DLGAP2: variants seen among roughly 807,000 people sequenced by gnomAD.
DLGAP2 encodes the protein DLG associated protein 2.
DLGAP2 carries 26 observed loss-of-function variants against 100.3 expected under a neutral mutation model. That is an observed-to-expected ratio of 0.26 (90% CI 0.19 to 0.36). The LOEUF (loss-of-function observed/expected upper bound fraction) is 0.36, where lower values mean the gene tolerates loss of function less well. Ranked by LOEUF, DLGAP2 falls within the 10% of genes least tolerant of loss-of-function variation. The probability of loss-of-function intolerance (pLI) is 1.00; values close to 1 mark genes in which losing one functional copy is unlikely to be tolerated. For synonymous variants in DLGAP2, 886 were observed against 630.1 expected (o/e 1.41, Z -6.08); for missense variants, 1,858 against 1,453.2 (o/e 1.28, Z -4.53).
At chr8:1,039,750 CTGTAGTCGGCTCGGTGTG>C in intron 2 of DLGAP2, among the ~76,000 whole-genome samples, 1 of 126,366 alleles carries the variant, frequency 7.9e-6, no homozygotes, top group African/African-American at 3.1e-5. Context: ...AGCTCGGTTT[CTGTAGTCGGCTCGGTGTG>C]TGTGGTTGGC....
At chr8:1,335,593 G>A (rs766075800) in intron 3 of DLGAP2, among the ~76,000 whole-genome samples, 19 of 152,202 alleles carry the variant, frequency 1.2e-4, no homozygotes, top group Non-Finnish European at 2.5e-4. Context: ...GCGGTGCTGG[G>A]TGGAAGTTTC....
intron 3 of DLGAP2, among the ~76,000 whole-genome samples, chr8:1,430,273 C>G (rs1218717050): frequency 6.6e-6 from 1 of 151,620 alleles, no homozygotes. Context: ...ATTCGAAATC[C>G]TCCTTGCTAA....
chr8:1,646,890 T>C (rs754861480), intron 8 of DLGAP2, among the ~76,000 whole-genome samples: 2 of 152,194 alleles, frequency 1.3e-5, no homozygotes, highest in Non-Finnish European at 1.5e-5. Context: ...TTGTCCCTTC[T>C]TCTAATCAGC....
chr8:1,664,302 C>CTA (rs940288653), intron 8 of DLGAP2, among the ~76,000 whole-genome samples: 12 of 152,276 alleles, frequency 7.9e-5, no homozygotes, highest in African/African-American at 2.9e-4. Context: ...TAGGCACAGG[C>CTA]TATGTCCGCT....
At chr8:1,072,480 AC>A (rs1288794879) in intron 2 of DLGAP2, among the ~76,000 whole-genome samples, 1 of 152,146 alleles carries the variant, frequency 6.6e-6, no homozygotes, top group Non-Finnish European at 1.5e-5. Flanking sequence ...GTCCTCATTC[AC>A]GTTATCTTGG....
chr8:1,669,505 G>A (rs983965862), intron 9 of DLGAP2, among the ~76,000 whole-genome samples: 1 of 152,224 alleles, frequency 6.6e-6, no homozygotes, highest in Non-Finnish European at 1.5e-5. Context: ...CTGCCAACAC[G>A]GCCCACCTCC....
intron 2 of DLGAP2, among the ~76,000 whole-genome samples, chr8:1,095,082 T>C (rs1178523099): frequency 4.3e-5 from 6 of 140,378 alleles, no homozygotes; most frequent in South Asian, 4.9e-4. Flanking sequence ...CAGGGTGGAG[T>C]GAGACAGCCT....
Position 925,762 on chromosome 8 carries a change from G to A in DLGAP2, c.73+17796G>A, listed in dbSNP as rs563839365. On this transcript the variant is annotated intron_variant, in intron 2 of 14. Transcript: ENST00000637795. ...TGGCTCATGTGGTTATGAGGCTGAC[G>A]AGTCTGAGATCTGCTCAGCCAGCTG... is the stretch of plus-strand genomic sequence containing the variant. Among the ~76,000 whole-genome samples the A allele has an allele frequency of 1.4e-3, 206 of 152,250 alleles. 1 individual carries two copies. The highest frequency in any genetic ancestry group is 4.8e-3 in the African/African-American group (198 of 41,534).
In DLGAP2 at chr8:1,233,841, T is replaced by C. The variant is rs374289625; in HGVS notation, c.74-25010T>C. On this transcript the variant is annotated intron_variant, in intron 2 of 14. Transcript: ENST00000637795. ...GAAGTCTTGGAAAGAGTTATTTTAA[T>C]CCGTAAGCTAAACCACTGTCCTCTA... Among the ~76,000 whole-genome samples, 135 of 152,104 alleles carry C rather than the reference T, an allele frequency of 8.9e-4. 1 individual carries two copies. Among genetic ancestry groups the C allele is most frequent in the African/African-American group, 3.1e-3 (127 of 41,478 alleles).
chr8:868,095 TA>T, intron 1 of DLGAP2, among the ~76,000 whole-genome samples: 1 of 152,362 alleles, frequency 6.6e-6, no homozygotes, highest in East Asian at 1.9e-4. Context: ...TACTTTAAGC[TA>T]ATTAAAAATG....
intron 6 of DLGAP2, among the ~76,000 whole-genome samples, chr8:1,577,814 C>G (rs1803052877): frequency 6.6e-6 from 1 of 152,102 alleles, no homozygotes; most frequent in South Asian, 2.1e-4. Flanking sequence ...GAACGGGCAG[C>G]ACTCAGCGTG....
At chr8:1,199,996 G>C (rs866992541) in intron 2 of DLGAP2, among the ~76,000 whole-genome samples, 1 of 151,360 alleles carries the variant, frequency 6.6e-6, no homozygotes, top group African/African-American at 2.4e-5. Flanking sequence ...GTGCATCCCC[G>C]GGGGTCCCAT....
intron 3 of DLGAP2, among the ~76,000 whole-genome samples, chr8:1,364,509 G>T (rs539548203): frequency 3.4e-5 from 5 of 148,460 alleles, no homozygotes; most frequent in Non-Finnish European, 5.9e-5. Context: ...GGGCGGGGGG[G>T]GTGCAGCGAA....
intron 2 of DLGAP2, among the ~76,000 whole-genome samples, chr8:1,162,599 T>C (rs1390557710): frequency 6.6e-6 from 1 of 152,244 alleles, no homozygotes; most frequent in Non-Finnish European, 1.5e-5. Context: ...TGATGTGCAA[T>C]GTGAGCGTGC....
chr8:1,665,217 C>G (rs1430500150), intron 8 of DLGAP2, among the ~76,000 whole-genome samples: 1 of 151,984 alleles, frequency 6.6e-6, no homozygotes, highest in Non-Finnish European at 1.5e-5. Flanking sequence ...TGAAATTTTT[C>G]AGACTCTTTA....
intron 3 of DLGAP2, among the ~76,000 whole-genome samples, chr8:1,368,095 G>A (rs983348195): frequency 9.2e-5 from 14 of 152,198 alleles, no homozygotes; most frequent in African/African-American, 3.4e-4. Flanking sequence ...TTGCTGTTGT[G>A]TTGAGTGCTG....
At chr8:1,062,809 C>T (rs1803126605) in intron 2 of DLGAP2, among the ~76,000 whole-genome samples, 1 of 152,160 alleles carries the variant, frequency 6.6e-6, no homozygotes, top group South Asian at 2.1e-4. Context: ...AAAGCTCTTG[C>T]ACAGCTGTCC....
At chr8:1,615,151 A>G (rs1259937453) in intron 6 of DLGAP2, among the ~76,000 whole-genome samples, 1 of 152,182 alleles carries the variant, frequency 6.6e-6, no homozygotes, top group Non-Finnish European at 1.5e-5. Flanking sequence ...GTCTATTAAC[A>G]TTTGCGGACC....
At chr8:1,039,657 TGTGGGTGGTC>T (rs1563158892) in intron 2 of DLGAP2, among the ~76,000 whole-genome samples, 2 of 50,868 alleles carry the variant, frequency 3.9e-5, no homozygotes, top group Non-Finnish European at 8.4e-5. Context: ...GTCAGCTCGG[TGTGGGTGGTC>T]AGCTCGGTGT....
Sources: gnomAD v4.1 joint callset for allele counts (sites outside exome capture counted in the v4.1 genomes callset) on GRCh38, gnomAD v4.1.1 for gene constraint, MANE v1.5 for transcripts, NCBI Gene and HGNC (gene_info 2026-07-23, HGNC 2026-07-21) for gene names.